The following HECTD4 variants were observed in gnomAD, a reference collection of about 807,000 sequenced individuals.
HECTD4 encodes the protein probable E3 ubiquitin-protein ligase HECTD4.
A neutral mutation model predicts 471.5 loss-of-function variants in HECTD4; 114 were observed. That is an observed-to-expected ratio of 0.24 (90% confidence interval 0.21 to 0.28). The LOEUF (loss-of-function observed/expected upper bound fraction) is 0.28, where lower values mean the gene tolerates loss of function less well. Ranked by LOEUF, HECTD4 falls within the 10% of genes least tolerant of loss-of-function variation. HECTD4 has a pLI of 1.00. For synonymous variants in HECTD4, 2,012 were observed against 2,256.0 expected (o/e 0.89, Z 3.07); for missense variants, 3,866 against 5,651.5 (o/e 0.68, Z 10.13).
chr12:112,269,847 C>T lies in HECTD4; in HGVS notation c.2178G>A (p.Val726=), dbSNP rs1339358972. The T allele has an allele frequency of 1.2e-6, 2 of 1,613,118 alleles. No homozygotes were observed. Among genetic ancestry groups the T allele is most frequent in the African/African-American group, 2.7e-5 (2 of 74,900 alleles). Residue 726 remains valine (V), a splice_region_variant and synonymous_variant, in exon 13 of 76, where the codon GTG becomes GTA. Transcript: ENST00000682272. ...IIRCILVVFQ[V]VFKFFFSPQT... is the part of the protein sequence containing the mutation. Reference sequence around the variant, plus strand: ...GTGGGCTGAAGAAAAATTTAAATACCACCTACAGAAACAGAAGGAGTCTAT... The same window carrying T: ...GTGGGCTGAAGAAAAATTTAAATACTACCTACAGAAACAGAAGGAGTCTAT...
At chr12:112,231,009 G>C in intron 39 of HECTD4, 187 bp from the exon 40 acceptor site, 1 of 576,818 alleles carries the variant, frequency 1.7e-6, no homozygotes, top group Non-Finnish European at 3.0e-6. Context: ...ATTCTTTGTG[G>C]TATCTGAAGA....
At chr12:112,378,470 C>T (rs1053366213) in intron 1 of HECTD4, among the ~76,000 whole-genome samples, 3 of 151,844 alleles carry the variant, frequency 2.0e-5, no homozygotes, top group Admixed American at 6.6e-5. Flanking sequence ...GTGATTCGCC[C>T]GTCTTGGTCT....
chr12:112,200,880 C>CGT lies in HECTD4; in HGVS notation c.8407-84_8407-83dup, dbSNP rs778305113. ...GCGTGCGTGCGTGTGTGTGTGCGTG[C>CGT]GTGCGTGTGTGTGTGTGTGTGTGTG... is the stretch of plus-strand genomic sequence containing the variant. On this transcript the variant is annotated intron_variant, in intron 54 of 75. Transcript: ENST00000682272. 6.0e-5 allele frequency: 70 copies of CGT among 1,163,518 alleles called. No individual in the cohort carries two copies. In the East Asian group the frequency reaches 1.2e-3, roughly 20 times the overall value. 72.1% of individuals were successfully genotyped at this position (1,163,518 alleles called of 1,614,324 possible). A position where few individuals can be genotyped will look rare whatever the true frequency, so the allele number is the denominator to read the frequency against.
At position 112,188,079 on chromosome 12, in the gene HECTD4, G is replaced by C. The variant is rs1414836703; in HGVS notation, c.9473-2586C>G. On this transcript the variant is annotated intron_variant, in intron 60 of 75. Coordinates refer to ENST00000682272, the MANE Select transcript of HECTD4 (RefSeq NM_001388303.1). The surrounding 1 kb of genome is among the most constrained non-coding windows in gnomAD (Gnocchi z 4.2). ...AGGCAGGTGGGTCACCTGAGGTCAG[G>C]AGACTGAGACCAGCCTGGCTAACAT... 1.3e-5 allele frequency among the ~76,000 whole-genome samples: 2 copies of C among 152,070 alleles called. No homozygotes were observed. Among genetic ancestry groups the C allele is most frequent in the African/African-American group, 4.8e-5 (2 of 41,414 alleles).
Position 112,360,636 on chromosome 12 carries a change from T to C in HECTD4, c.177+21316A>G, listed in dbSNP as rs531776378. ...TTAAATTCAATCTAGGGAAATAAAT[T>C]ATACCTGATCCCATATATCTCTAGC... On this transcript the variant is annotated intron_variant, in intron 1 of 75. Coordinates refer to ENST00000682272, the MANE Select transcript of HECTD4 (RefSeq NM_001388303.1). Among the ~76,000 whole-genome samples, 10 of 152,274 alleles carry C rather than the reference T, an allele frequency of 6.6e-5. No homozygotes were observed. In the South Asian group the frequency reaches 2.1e-3, roughly 32 times the overall value.
At position 112,207,859 on chromosome 12, in the gene HECTD4, C is replaced by G. The variant is rs375810144; in HGVS notation, c.8131+15G>C. On this transcript the variant is annotated intron_variant, in intron 52 of 75. Coordinates refer to ENST00000682272, the MANE Select transcript of HECTD4 (RefSeq NM_001388303.1). ...TCATGAAGTAACCTCCTTAGCAGAA[C>G]AAAAAGTACCAGACCTAGTTGTAAG... is the stretch of plus-strand genomic sequence containing the variant. 1.2e-6 allele frequency: 2 copies of G among 1,612,722 alleles called. No individual in the cohort carries two copies. The highest frequency in any genetic ancestry group is 1.7e-6 in the Non-Finnish European group (2 of 1,179,208).
chr12:112,273,565 G>T, intron 11 of HECTD4, 90 bp downstream of exon 11: 2 of 1,213,136 alleles, frequency 1.6e-6, no homozygotes, highest in Non-Finnish European at 2.4e-6. Context: ...ACATTCTGGG[G>T]TTGGGCTATG....
At chr12:112,301,800 GT>G (rs35700397) in intron 7 of HECTD4, 164,593 of 468,224 alleles carry the variant, frequency 0.35, 25,456 homozygotes, top group East Asian at 0.74. Context: ...TCAGCTAGCT[GT>G]TTTTTTTTTT....
intron 7 of HECTD4, among the ~76,000 whole-genome samples, chr12:112,288,899 CATT>C (rs1304195159): frequency 1.3e-5 from 2 of 152,172 alleles, no homozygotes; most frequent in Non-Finnish European, 2.9e-5. Flanking sequence ...ACCTATACAT[CATT>C]GTTACCTGAA....
At position 112,228,360 on chromosome 12, in the gene HECTD4, G is replaced by A; in HGVS notation, c.6685-102C>T. ...TCTGGAGTTAATTCTTAAATTTTCA[G>A]TTAAAAAAATAAAATCACCATACAG... is the stretch of plus-strand genomic sequence containing the variant. On this transcript the variant is annotated intron_variant, in intron 42 of 75. Transcript: ENST00000682272. This position sits in a 1 kb window ranked among gnomAD's most constrained non-coding sequence, Gnocchi z 4.9. 8.1e-7 allele frequency: 1 copy of A among 1,241,340 alleles called. No individual in the cohort carries two copies. The highest frequency in any genetic ancestry group is 1.1e-6 in the Non-Finnish European group (1 of 944,874). The allele number at this position is 1,241,340 out of a possible 1,614,324, so 76.9% of individuals were successfully genotyped here.
At chr12:112,244,186 G>A (rs1335736007) in intron 29 of HECTD4, among the ~76,000 whole-genome samples, 177 bp from the exon 30 acceptor site, 1 of 150,968 alleles carries the variant, frequency 6.6e-6, no homozygotes, top group East Asian at 2.1e-4. Context: ...CTAAGTATTA[G>A]GTTAAAAATT....
rs1355024277 is a variant in HECTD4, at chr12:112,185,343, C to T, written c.9623G>A (p.Cys3208Tyr). The change falls in exon 61 of 76, where the codon TGC (cysteine) becomes TAC (tyrosine). Residue 3208 changes from cysteine (C) to tyrosine (Y), a missense_variant. Around this residue, in one of 16 missense-constraint regions of HECTD4, gnomAD observed 364 missense variants for 413.2 expected, o/e 0.88. Transcript: ENST00000682272. ...CTGCAAGGCCATCAGCATGGCCAGG[C>T]AGGGGTTCAGCTGGAGGGCGATTGA... ...SSSIALQLNP[C>Y]LAMLMALQSE... 1.9e-6 allele frequency: 3 copies of T among 1,598,902 alleles called. No homozygotes were observed. The highest frequency in any genetic ancestry group is 2.6e-6 in the Non-Finnish European group (3 of 1,173,108).
chr12:112,206,577 C>T (rs1292707780), intron 52 of HECTD4, among the ~76,000 whole-genome samples: 1 of 140,506 alleles, frequency 7.1e-6, no homozygotes, highest in Non-Finnish European at 1.5e-5. Context: ...GGCTCTGTTG[C>T]CCAGGCTGGA....
At chr12:112,336,534 A>G (rs2035961941) in intron 1 of HECTD4, among the ~76,000 whole-genome samples, 1 of 151,970 alleles carries the variant, frequency 6.6e-6, no homozygotes, top group South Asian at 2.1e-4. Flanking sequence ...AAAAAAAAAA[A>G]ATTCGCACAA....
intron 70 of HECTD4, 146 bp downstream of exon 70, chr12:112,169,357 C>T: frequency 1.1e-6 from 1 of 936,680 alleles, no homozygotes; most frequent in Non-Finnish European, 1.6e-6. Context: ...GGCGTGAGGC[C>T]ACTCTGGGTG....
At chr12:112,305,789 C>T (rs552154619) in intron 7 of HECTD4, among the ~76,000 whole-genome samples, 1 of 152,322 alleles carries the variant, frequency 6.6e-6, no homozygotes, top group East Asian at 1.9e-4. Flanking sequence ...TTCCAACAGA[C>T]TGTGAGCATT....
At chr12:112,327,661 T>C (rs1205539370) in intron 1 of HECTD4, among the ~76,000 whole-genome samples, 1 of 152,138 alleles carries the variant, frequency 6.6e-6, no homozygotes, top group Non-Finnish European at 1.5e-5. Flanking sequence ...AGAAAAGCAG[T>C]CATAACTAGC....
intron 7 of HECTD4, among the ~76,000 whole-genome samples, chr12:112,295,215 A>G (rs1156351527): frequency 2.0e-5 from 3 of 152,152 alleles, no homozygotes; most frequent in Non-Finnish European, 2.9e-5. Context: ...CGGTCAATAA[A>G]TAAGCAAATA....
intron 54 of HECTD4, among the ~76,000 whole-genome samples, 152 bp from the exon 55 acceptor site, chr12:112,200,950 C>T (rs562368125): frequency 5.3e-5 from 8 of 151,628 alleles, no homozygotes; most frequent in African/African-American, 1.9e-4. Flanking sequence ...TAATTTGTAA[C>T]TAATTGCTAT....
Sources: gnomAD v4.1 joint callset for allele counts (sites outside exome capture counted in the v4.1 genomes callset) on GRCh38, gnomAD v4.1.1 for gene constraint, gnomAD v4.1.1 regional missense constraint, Gnocchi (gnomAD v3.1) non-coding constraint, MANE v1.5 for transcripts, NCBI Gene and HGNC (gene_info 2026-07-23, HGNC 2026-07-21) for gene names.